The following ANO1 variants were observed in gnomAD, a reference collection of about 807,000 sequenced individuals.
ANO1 encodes anoctamin-1.
Under a neutral mutation model 124.0 loss-of-function variants are expected in ANO1, and 59 were observed. That is an observed-to-expected ratio of 0.48 (90% confidence interval 0.39 to 0.59). The LOEUF is 0.59. ANO1 is among the 20% of genes least tolerant of loss of function. ANO1 has a pLI of 0.00. For missense variants in ANO1, 1,059 were observed against 1,328.0 expected (o/e 0.80, Z 3.15); for synonymous variants, 529 against 532.0 (o/e 0.99, Z 0.08).
chr11:70,138,329 G>C lies in ANO1; in HGVS notation c.1258+6250G>C. Among the ~76,000 whole-genome samples, 2 of 129,712 alleles carry C rather than the reference G, an allele frequency of 1.5e-5. 1 individual carries two copies. The highest frequency in any genetic ancestry group is 3.2e-5 in the Non-Finnish European group (2 of 62,536). 85.1% of individuals were successfully genotyped at this position (129,712 alleles called of 152,430 possible). A position where few individuals can be genotyped will look rare whatever the true frequency, so the allele number is the denominator to read the frequency against. Reference sequence around the variant, plus strand: ...CACTGCACTCCAGCCTGGGCAAAAAGAGTGAAATTCCATCTCAGAAAAAAA... The same window carrying C: ...CACTGCACTCCAGCCTGGGCAAAAACAGTGAAATTCCATCTCAGAAAAAAA... On this transcript the variant is annotated intron_variant, in intron 11 of 25. Transcript: ENST00000355303.
chr11:70,070,596 A>C (rs1262095910), intron 1 of ANO1, among the ~76,000 whole-genome samples: 1 of 152,220 alleles, frequency 6.6e-6, no homozygotes, highest in Non-Finnish European at 1.5e-5. Context: ...GAATTTCTTG[A>C]ATCCAGAAGG....
At chr11:69,968,078 G>A in the ANO1 span, among the ~76,000 whole-genome samples, 7 of 152,104 alleles carry the variant, frequency 4.6e-5, no homozygotes, top group African/African-American at 1.2e-4. Context: ...ATATCTATCC[G>A]ACCAGCCCCA....
chr11:70,179,258 G>A (rs554986380), intron 22 of ANO1, among the ~76,000 whole-genome samples: 2 of 152,342 alleles, frequency 1.3e-5, no homozygotes, highest in East Asian at 1.9e-4. Flanking sequence ...ACACAACATT[G>A]CTGGGCATGA....
chr11:70,144,924 G>A (rs1180764109), intron 11 of ANO1, among the ~76,000 whole-genome samples: 1 of 152,194 alleles, frequency 6.6e-6, no homozygotes, highest in Non-Finnish European at 1.5e-5. Context: ...CGTGGAGGGG[G>A]CCGGGGCAGG....
chr11:69,966,036 C>A, the ANO1 span, among the ~76,000 whole-genome samples: 4 of 152,162 alleles, frequency 2.6e-5, no homozygotes, highest in Non-Finnish European at 5.9e-5. Flanking sequence ...AGATATACAG[C>A]TCCTCAGGGC....
At chr11:70,074,506 T>C (rs193030809), upstream of ANO1, among the ~76,000 whole-genome samples, 2 of 152,292 alleles carry the variant, frequency 1.3e-5, no homozygotes, top group Admixed American at 1.3e-4. Flanking sequence ...AGAGCTAGAC[T>C]GAAAGCCTAG....
At chr11:70,151,771 C>A (rs1268092797) in intron 12 of ANO1, among the ~76,000 whole-genome samples, 1 of 152,234 alleles carries the variant, frequency 6.6e-6, no homozygotes, top group African/African-American at 2.4e-5. Flanking sequence ...CGCCCCTCCA[C>A]ATAGCCTGAA....
chr11:69,996,474 G>A (rs908027632), intron 1 of ANO1, among the ~76,000 whole-genome samples: 1 of 152,158 alleles, frequency 6.6e-6, no homozygotes, highest in African/African-American at 2.4e-5. Context: ...ATTTCAAAGG[G>A]AGAAATGTTT....
chr11:69,997,809 C>G (rs1554998642), intron 1 of ANO1, among the ~76,000 whole-genome samples: 1 of 152,088 alleles, frequency 6.6e-6, no homozygotes, highest in South Asian at 2.1e-4. Context: ...CTCTCTTGCT[C>G]CTGCTCCTGC....
intron 2 of ANO1, among the ~76,000 whole-genome samples, chr11:70,091,626 G>A (rs1223325888): frequency 6.6e-6 from 1 of 152,154 alleles, no homozygotes; most frequent in Non-Finnish European, 1.5e-5. Flanking sequence ...TGAGCAAGAC[G>A]GTCCCCTGAG....
intron 1 of ANO1, among the ~76,000 whole-genome samples, chr11:70,036,722 C>A (rs1555004464): frequency 6.6e-6 from 1 of 152,224 alleles, no homozygotes; most frequent in Non-Finnish European, 1.5e-5. Context: ...ATTCTCCTGC[C>A]TCAGCCTCCC....
At chr11:70,003,603 A>ATGGG (rs369233004) in intron 1 of ANO1, among the ~76,000 whole-genome samples, 9,219 of 74,330 alleles carry the variant, frequency 0.12, 680 homozygotes, top group East Asian at 0.43. Flanking sequence ...GGGTGGATGG[A>ATGGG]TGGATGGATG....
intron 17 of ANO1, 108 bp downstream of exon 17, chr11:70,161,470 TCCCTGGTTCTCAATGGG>T: frequency 7.0e-7 from 1 of 1,422,628 alleles, no homozygotes. Flanking sequence ...GGGCCCCAGC[TCCCTGGTTCTCAATGGG>T]TATCCTGAGC....
chr11:70,118,559 A>G (rs2046088420), intron 8 of ANO1, among the ~76,000 whole-genome samples: 1 of 145,894 alleles, frequency 6.9e-6, no homozygotes, highest in African/African-American at 2.5e-5. Context: ...TGAATGATGG[A>G]TAATGGATGG....
At chr11:70,153,208 G>A in intron 14 of ANO1, 80 bp downstream of exon 14, 1 of 1,299,794 alleles carries the variant, frequency 7.7e-7, no homozygotes, top group Non-Finnish European at 1.1e-6. Context: ...GATCAGCCCA[G>A]AGAACAAATA....
chr11:70,029,818 C>A (rs782529344), intron 1 of ANO1, among the ~76,000 whole-genome samples: 2 of 152,176 alleles, frequency 1.3e-5, no homozygotes, highest in African/African-American at 2.4e-5. Flanking sequence ...GGGCTCCAGG[C>A]GTTCCTCAGC....
chr11:70,038,323 T>A (rs1555004638), intron 1 of ANO1, among the ~76,000 whole-genome samples: 2 of 152,162 alleles, frequency 1.3e-5, no homozygotes, highest in South Asian at 2.1e-4. Context: ...AGTTTCAAGC[T>A]GTTAGCCAAT....
intron 1 of ANO1, among the ~76,000 whole-genome samples, chr11:70,066,266 G>A (rs550174483): frequency 2.0e-5 from 3 of 152,318 alleles, no homozygotes; most frequent in Non-Finnish European, 4.4e-5. Context: ...GTCAGATGCC[G>A]AGCTGCCCTC....
chr11:70,187,875 GCTGGAAAC>G lies in ANO1; in HGVS notation c.2838_2845del (p.Glu946AspfsTer113). ...GGGAGGAGCAAGACAAGCAGCAGCT[GCTGGAAAC>G]CTGGATGGAGAAGGAGCGGCAGAAG... On this transcript the variant is annotated frameshift_variant, in exon 26 of 26. Transcript: ENST00000355303. LOFTEE classifies it low-confidence loss of function (END_TRUNC). The G allele has an allele frequency of 6.2e-7, 1 of 1,605,814 alleles. No homozygotes were observed. The highest frequency in any genetic ancestry group is 8.5e-7 in the Non-Finnish European group (1 of 1,176,524).
Sources: gnomAD v4.1 joint callset for allele counts (sites outside exome capture counted in the v4.1 genomes callset) on GRCh38, gnomAD v4.1.1 for gene constraint, MANE v1.5 for transcripts, NCBI Gene and HGNC (gene_info 2026-07-23, HGNC 2026-07-21) for gene names.